TRERF1: variants seen among roughly 807,000 people sequenced by gnomAD.
TRERF1 encodes the protein transcriptional-regulating factor 1.
In TRERF1, 27 loss-of-function variants were observed where a neutral mutation model predicts 122.9. That is an observed-to-expected ratio of 0.22 (90% confidence interval 0.16 to 0.30). The LOEUF (loss-of-function observed/expected upper bound fraction) is 0.30. Among genes scored for constraint, TRERF1 ranks in the 10% least tolerant of loss-of-function variants. The probability of loss-of-function intolerance (pLI) is 1.00; values close to 1 mark genes in which losing one functional copy is unlikely to be tolerated. For missense variants in TRERF1, 1,248 were observed against 1,560.3 expected, an observed-to-expected ratio of 0.80 and a Z score of 3.37; for synonymous variants, 636 against 641.7, an observed-to-expected ratio of 0.99 and a Z score of 0.13.
chr6:42,415,123 C>G (rs949150058), intron 2 of TRERF1, among the ~76,000 whole-genome samples: 2 of 152,160 alleles, frequency 1.3e-5, no homozygotes, highest in Non-Finnish European at 2.9e-5. Flanking sequence ...CTTATTGCAG[C>G]TCTGATTTGT....
Position 42,268,061 on chromosome 6 carries a change from T to C in TRERF1, c.1437+93A>G. 1 of 1,328,890 alleles carries C rather than the reference T, an allele frequency of 7.5e-7. No homozygotes were observed. The highest frequency in any genetic ancestry group is 2.8e-5 in the South Asian group (1 of 36,158). 82.3% of individuals were successfully genotyped at this position (1,328,890 alleles called of 1,614,324 possible). On this transcript the variant is annotated intron_variant, in intron 5 of 17. Coordinates refer to ENST00000372922, the Ensembl canonical transcript of TRERF1. This position sits in a 1 kb window ranked among gnomAD's most constrained non-coding sequence, Gnocchi z 4.4. Reference sequence around the variant, plus strand: ...TGGAATTAGTAAAGAACAAAAGGGTTGAGGGGGCTTGGAGAGAGGATTGAG... The same window carrying C: ...TGGAATTAGTAAAGAACAAAAGGGTCGAGGGGGCTTGGAGAGAGGATTGAG...
At chr6:42,289,335 A>C (rs77737652) in intron 4 of TRERF1, among the ~76,000 whole-genome samples, 6,104 of 139,238 alleles carry the variant, frequency 0.044, 220 homozygotes, top group African/African-American at 0.099. Context: ...TGTCTCAAAA[A>C]AAACAAACAA....
chr6:42,338,608 G>A (rs771617526), intron 3 of TRERF1, among the ~76,000 whole-genome samples: 10 of 152,168 alleles, frequency 6.6e-5, no homozygotes, highest in Non-Finnish European at 1.2e-4. Context: ...CCAGATCAAA[G>A]GTAGACTCAC....
intron 2 of TRERF1, among the ~76,000 whole-genome samples, chr6:42,391,528 A>T (rs1164784886): frequency 6.6e-6 from 1 of 152,156 alleles, no homozygotes; most frequent in African/African-American, 2.4e-5. Flanking sequence ...TCTGGTGAAC[A>T]GTCTCAGCAG....
Position 42,359,572 on chromosome 6 carries a change from A to G in TRERF1, c.-371+3425T>C, listed in dbSNP as rs557570377. Among the ~76,000 whole-genome samples, 352 of 152,288 alleles carry G rather than the reference A, an allele frequency of 2.3e-3. 1 individual carries two copies. Among genetic ancestry groups the G allele is most frequent in the African/African-American group, 7.8e-3 (325 of 41,572 alleles). On this transcript the variant is annotated intron_variant, in intron 3 of 17. Transcript: ENST00000372922. ...AACCCCATCTCTACTAAAAATACAA[A>G]AATTAGCTGGGCGCGGTGGCGTGCG...
In TRERF1 at chr6:42,269,475, G is replaced by A; in HGVS notation, c.116C>T (p.Ala39Val). The stretch of plus-strand genomic sequence containing the variant: ...GGCATCCATTCCGCCCCCTGTAACT[G>A]CATTCCCATAGTTGTGGTTCAGCCC... Residue 39 changes from alanine to valine, a missense_variant, in exon 5 of 18, where the codon GCA (alanine) becomes GTA (valine). Ala to Val is a moderately conservative substitution (Grantham distance 64, BLOSUM62 0). Around this residue, in one of 5 missense-constraint regions of TRERF1, gnomAD observed 946 missense variants for 1,073.0 expected, o/e 0.88. Transcript: ENST00000372922. The surrounding 1 kb of genome is among the most constrained non-coding windows in gnomAD (Gnocchi z 4.9). The A allele has an allele frequency of 6.2e-7, 1 of 1,614,216 alleles. No individual in the cohort carries two copies. Among genetic ancestry groups the A allele is most frequent in the Non-Finnish European group, 8.5e-7 (1 of 1,180,044 alleles).
intron 2 of TRERF1, among the ~76,000 whole-genome samples, chr6:42,428,303 A>G (rs1389301919): frequency 6.6e-6 from 1 of 152,230 alleles, no homozygotes; most frequent in Non-Finnish European, 1.5e-5. Flanking sequence ...GTAACTGAAT[A>G]TTTTTAGTTC....
At chr6:42,298,136 T>G (rs892466504) in intron 4 of TRERF1, among the ~76,000 whole-genome samples, 1 of 151,782 alleles carries the variant, frequency 6.6e-6, no homozygotes, top group African/African-American at 2.4e-5. Context: ...AGATAGTTGT[T>G]GTTTTTTTTT....
At chr6:42,229,025 C>T (rs1208768035) in intron 17 of TRERF1, among the ~76,000 whole-genome samples, 4 of 152,244 alleles carry the variant, frequency 2.6e-5, no homozygotes, top group Non-Finnish European at 5.9e-5. Flanking sequence ...GGAGAATCTT[C>T]TAAATCATGC....
At chr6:42,235,716 T>C (rs1437414601) in intron 16 of TRERF1, among the ~76,000 whole-genome samples, 3 of 152,222 alleles carry the variant, frequency 2.0e-5, no homozygotes, top group Non-Finnish European at 2.9e-5. Context: ...TTAGTGACAT[T>C]TCGATTAGTA....
At chr6:42,277,966 GA>G in intron 4 of TRERF1, among the ~76,000 whole-genome samples, 1 of 145,998 alleles carries the variant, frequency 6.8e-6, no homozygotes, top group Non-Finnish European at 1.5e-5. Context: ...AGAAGAAGAA[GA>G]AGAAGAAGAC....
At chr6:42,277,912 GAAGAAGAA>G (rs1287113520) in intron 4 of TRERF1, among the ~76,000 whole-genome samples, 21 of 72,502 alleles carry the variant, frequency 2.9e-4, no homozygotes, top group Middle Eastern at 0.012. Flanking sequence ...GAAGGAAGAA[GAAGAAGAA>G]GAAGAAGAAG....
chr6:42,411,902 C>T (rs1040859421), intron 2 of TRERF1, among the ~76,000 whole-genome samples: 1 of 152,100 alleles, frequency 6.6e-6, no homozygotes, highest in African/African-American at 2.4e-5. Context: ...ATGAACACGG[C>T]TGGACCAGAT....
At chr6:42,326,156 C>G (rs1159212229) in intron 3 of TRERF1, among the ~76,000 whole-genome samples, 1 of 151,856 alleles carries the variant, frequency 6.6e-6, no homozygotes, top group Non-Finnish European at 1.5e-5. Context: ...CATGTACTCT[C>G]AAATCTAGAG....
At chr6:42,302,322 C>T (rs1786352414) in intron 3 of TRERF1, among the ~76,000 whole-genome samples, 1 of 152,138 alleles carries the variant, frequency 6.6e-6, no homozygotes, top group African/African-American at 2.4e-5. Context: ...TTCCTTAATA[C>T]TTGAGGGAGG....
rs535574641 is a variant in TRERF1, at chr6:42,379,154, C to T, written c.-453-16075G>A. Among the ~76,000 whole-genome samples the T allele has an allele frequency of 5.1e-4, 78 of 151,864 alleles. 2 individuals carry two copies. In the South Asian group the frequency reaches 0.016, roughly 31 times the overall value. On this transcript the variant is annotated intron_variant, in intron 2 of 17. Coordinates refer to ENST00000372922, the Ensembl canonical transcript of TRERF1. ...TTTTTTTAATATATTTTGTGTGTAC[C>T]ACCCCCCACAGTCTTTCCCTGGGTC...
At chr6:42,358,978 C>G (rs532884694) in intron 3 of TRERF1, among the ~76,000 whole-genome samples, 3 of 152,248 alleles carry the variant, frequency 2.0e-5, no homozygotes, top group African/African-American at 7.2e-5. Context: ...AGTCAACACT[C>G]AGGGAGTGGG....
At chr6:42,412,250 T>A (rs1433353358) in intron 2 of TRERF1, among the ~76,000 whole-genome samples, 1 of 152,072 alleles carries the variant, frequency 6.6e-6, no homozygotes, top group Non-Finnish European at 1.5e-5. Flanking sequence ...ATCCGCCCAC[T>A]TCGGCCTCCC....
At chr6:42,237,180 C>T (rs1047263447) in intron 15 of TRERF1, among the ~76,000 whole-genome samples, 30 of 152,332 alleles carry the variant, frequency 2.0e-4, no homozygotes, top group African/African-American at 7.0e-4. Flanking sequence ...TATGGCCACT[C>T]TCCCCACTTC....
Sources: gnomAD v4.1 joint callset for allele counts (sites outside exome capture counted in the v4.1 genomes callset) on GRCh38, gnomAD v4.1.1 for gene constraint, gnomAD v4.1.1 regional missense constraint, Gnocchi (gnomAD v3.1) non-coding constraint, MANE v1.5 for transcripts, NCBI Gene and HGNC (gene_info 2026-07-23, HGNC 2026-07-21) for gene names.